Variants in ITGA6 observed in about 807,000 individuals in gnomAD.
ITGA6 encodes integrin alpha-6.
ITGA6 carries 63 observed loss-of-function variants against 133.6 expected under a neutral mutation model. That is an observed-to-expected ratio of 0.47 (90% CI 0.38 to 0.58). ITGA6 has a LOEUF of 0.58. Ranked by LOEUF, ITGA6 falls within the 20% of genes least tolerant of loss-of-function variation. The pLI, the probability that ITGA6 is intolerant of heterozygous loss-of-function variation, is 0.00. For missense variants in ITGA6, 1,068 were observed against 1,309.4 expected, an observed-to-expected ratio of 0.82 and a Z score of 2.85; for synonymous variants, 434 against 482.0, an observed-to-expected ratio of 0.90 and a Z score of 1.30.
intron 5 of ITGA6, among the ~76,000 whole-genome samples, chr2:172,471,375 C>T (rs1317129021): frequency 6.6e-6 from 1 of 152,224 alleles, no homozygotes; most frequent in Admixed American, 6.5e-5. Context: ...GCTCAGAAGT[C>T]TGTCTCTTGA....
At position 172,475,187 on chromosome 2, in the gene ITGA6, G is replaced by A. The variant is rs144532513; in HGVS notation, c.1180+65G>A. On this transcript the variant is annotated intron_variant, in intron 7 of 25. Coordinates refer to ENST00000684293, the MANE Select transcript of ITGA6 (RefSeq NM_000210.4). ...ATTTGATTGTTTAAATAATAGCGCTGCTGGGCACAGTGGCTCACGCCTGTA... is the reference window on the plus strand; with the variant it reads ...ATTTGATTGTTTAAATAATAGCGCTACTGGGCACAGTGGCTCACGCCTGTA... 9,016 of 1,122,954 alleles carry A rather than the reference G, an allele frequency of 8.0e-3. 47 individuals are homozygous for A. Among genetic ancestry groups the A allele is most frequent in the Non-Finnish European group, 0.011 (8,064 of 741,804 alleles). 69.6% of individuals were successfully genotyped at this position (1,122,954 alleles called of 1,614,324 possible).
intron 1 of ITGA6, among the ~76,000 whole-genome samples, chr2:172,452,009 T>TTTTTTTTTTTTTTTTTTTTTTAG (rs1553529756): frequency 6.7e-6 from 1 of 148,530 alleles, no homozygotes; most frequent in African/African-American, 2.5e-5. Context: ...CCTTCATTTT[T>TTTTTTTTTTTTTTTTTTTTTTAG]ACTTTGGTAA....
At chr2:172,457,216 C>T (rs12473999) in intron 1 of ITGA6, among the ~76,000 whole-genome samples, 37,155 of 147,200 alleles carry the variant, frequency 0.25, 5,255 homozygotes, top group East Asian at 0.56. Context: ...ATCGATTGAA[C>T]CTTGGGAGGT....
chr2:172,444,491 T>G (rs1418639475), intron 1 of ITGA6, among the ~76,000 whole-genome samples: 1 of 152,122 alleles, frequency 6.6e-6, no homozygotes, highest in Non-Finnish European at 1.5e-5. Context: ...CCTGCCAACA[T>G]GACATGCAAG....
chr2:172,492,835 A>T (rs1309241353), intron 23 of ITGA6, among the ~76,000 whole-genome samples: 2 of 152,198 alleles, frequency 1.3e-5, no homozygotes, highest in Non-Finnish European at 2.9e-5. Flanking sequence ...AAATTCAGGG[A>T]GCCTCCCTAA....
Position 172,487,735 on chromosome 2 carries a change from T to G in ITGA6, c.2252T>G (p.Phe751Cys), listed in dbSNP as rs1320246464. The G allele has an allele frequency of 1.2e-6, 2 of 1,611,740 alleles. No individual in the cohort carries two copies. Among genetic ancestry groups the G allele is most frequent in the African/African-American group, 1.3e-5 (1 of 74,976 alleles). ...CTATTTATGTTTTTTTAGGTCACTTTTTATTTGGTTTTAAGTACAACTGAA... is the reference window on the plus strand; with the variant it reads ...CTATTTATGTTTTTTTAGGTCACTTGTTATTTGGTTTTAAGTACAACTGAA... ...NPFKRNSNVT[F>C]YLVLSTTEVT... Residue 751 changes from phenylalanine (F) to cysteine (C), a missense_variant, in exon 17 of 26, where the codon TTT (phenylalanine) becomes TGT (cysteine). Coordinates refer to ENST00000684293, the MANE Select transcript of ITGA6 (RefSeq NM_000210.4).
chr2:172,453,207 C>G (rs1685077315), intron 1 of ITGA6, among the ~76,000 whole-genome samples: 1 of 152,110 alleles, frequency 6.6e-6, no homozygotes, highest in Non-Finnish European at 1.5e-5. Flanking sequence ...TATAATCTAA[C>G]TGTTACACAA....
At chr2:172,468,916 C>G (rs1685797021) in intron 3 of ITGA6, 1 of 556,856 alleles carries the variant, frequency 1.8e-6, no homozygotes, top group Non-Finnish European at 3.2e-6. Flanking sequence ...GAGAATAAGG[C>G]ACATTCTAGT....
rs138874769 is a variant in ITGA6, at chr2:172,491,261, C to T, written c.2819C>T (p.Pro940Leu). Residue 940 changes from proline (P) to leucine (L), a missense_variant, in exon 22 of 26, where the codon CCG becomes CTG. Around this residue, in one of 3 missense-constraint regions of ITGA6, gnomAD observed 609 missense variants for 707.2 expected, o/e 0.86. Transcript: ENST00000684293. This position sits in a 1 kb window ranked among gnomAD's most constrained non-coding sequence, Gnocchi z 4.4. ...VNVNCVNIRC[P>L]LRGLDSKASL... ...GTGAACTGTGTGAACATCAGATGCC[C>T]GCTGCGGGGGCTGGACAGCAAGGCG... The T allele has an allele frequency of 9.3e-4, 1,503 of 1,612,912 alleles. 1 individual carries two copies. The highest frequency in any genetic ancestry group is 9.5e-4 in the Non-Finnish European group (1,121 of 1,178,908).
intron 1 of ITGA6, 100 bp downstream of exon 1, chr2:172,428,070 G>C (rs1226303390): frequency 7.8e-7 from 1 of 1,278,058 alleles, no homozygotes; most frequent in African/African-American, 1.6e-5. Context: ...GGAGTAGTTG[G>C]CCCGTGGGTC....
intron 9 of ITGA6, among the ~76,000 whole-genome samples, chr2:172,478,643 C>T (rs1358651767): frequency 1.3e-5 from 2 of 152,166 alleles, no homozygotes; most frequent in Non-Finnish European, 2.9e-5. Context: ...CAGAGTAGGG[C>T]GTGGAATTGG....
intron 5 of ITGA6, chr2:172,472,720 TACCA>T: frequency 8.4e-7 from 1 of 1,186,236 alleles, no homozygotes; most frequent in East Asian, 2.3e-5. Context: ...TCCTGCCTCT[TACCA>T]AGCATAATTA....
intron 1 of ITGA6, chr2:172,428,417 A>G (rs1683961230): frequency 6.6e-6 from 1 of 151,752 alleles, no homozygotes; most frequent in Non-Finnish European, 1.5e-5. Flanking sequence ...TCCCAAACTC[A>G]CGGTGCACCC....
At chr2:172,430,544 C>T (rs947864600) in intron 1 of ITGA6, among the ~76,000 whole-genome samples, 2 of 152,142 alleles carry the variant, frequency 1.3e-5, no homozygotes, top group African/African-American at 2.4e-5. Context: ...GATAAAAGCA[C>T]GATCATAGAA....
intron 1 of ITGA6, among the ~76,000 whole-genome samples, chr2:172,438,532 C>T (rs1684414919): frequency 6.6e-6 from 1 of 151,706 alleles, no homozygotes; most frequent in South Asian, 2.1e-4. Context: ...AATCCCAGCT[C>T]CTTTACATTC....
At chr2:172,442,497 G>A (rs1684586253) in intron 1 of ITGA6, among the ~76,000 whole-genome samples, 1 of 152,182 alleles carries the variant, frequency 6.6e-6, no homozygotes, top group African/African-American at 2.4e-5. Flanking sequence ...CCTGAATGCT[G>A]TCAGTGCCAT....
rs16860505 is a variant in ITGA6 at position 172,474,351 on chromosome 2, G to C, written c.986+86G>C. ...CGACTGGAGAAGAGCCGTCCTTTCA[G>C]GTTCATTGACGTAAAGAATATTTTT... On this transcript the variant is annotated intron_variant, in intron 6 of 25. Coordinates refer to ENST00000684293, the MANE Select transcript of ITGA6 (RefSeq NM_000210.4). 1,901 of 1,194,216 alleles carry C rather than the reference G, an allele frequency of 1.6e-3. 19 individuals are homozygous for C. The African/African-American group carries it at 0.025, about 16-fold the overall frequency. The allele number at this position is 1,194,216 out of a possible 1,614,324, so 74.0% of individuals were successfully genotyped here. A position where few individuals can be genotyped will look rare whatever the true frequency, so the allele number is the denominator to read the frequency against.
intron 25 of ITGA6, among the ~76,000 whole-genome samples, chr2:172,502,647 T>C (rs2149106550): frequency 6.6e-6 from 1 of 152,378 alleles, no homozygotes. Flanking sequence ...GAACAGTTTT[T>C]ATTGCAATAT....
chr2:172,448,627 G>C (rs895372897), intron 1 of ITGA6, among the ~76,000 whole-genome samples: 3 of 152,144 alleles, frequency 2.0e-5, no homozygotes, highest in Non-Finnish European at 2.9e-5. Context: ...TTTCTTAGAA[G>C]GTTATTAGAA....
Sources: gnomAD v4.1 joint callset for allele counts (sites outside exome capture counted in the v4.1 genomes callset) on GRCh38, gnomAD v4.1.1 for gene constraint, gnomAD v4.1.1 regional missense constraint, Gnocchi (gnomAD v3.1) non-coding constraint, MANE v1.5 for transcripts, NCBI Gene and HGNC (gene_info 2026-07-23, HGNC 2026-07-21) for gene names.